CANX: variants seen among roughly 807,000 people sequenced by gnomAD.
CANX encodes epididymis secretory sperm binding protein.
A neutral mutation model predicts 75.7 loss-of-function variants in CANX; 14 were observed. The observed-to-expected ratio is 0.19, with a 90% CI of 0.12 to 0.29. The LOEUF is 0.29. CANX is among the 10% of genes least tolerant of loss of function. The probability of loss-of-function intolerance (pLI) is 1.00; values close to 1 mark genes in which losing one functional copy is unlikely to be tolerated. For missense variants in CANX, 567 were observed against 713.2 expected (o/e 0.79, Z 2.34); for synonymous variants, 227 against 236.9 (o/e 0.96, Z 0.38).
At chr5:179,679,204 G>T (rs1775986841) in intron 1 of CANX, 4 of 1,534,570 alleles carry the variant, frequency 2.6e-6, no homozygotes, top group East Asian at 4.9e-5. Context: ...GGCGACTCGT[G>T]CTGCGCTCTT....
intron 6 of CANX, 192 bp from the exon 7 acceptor site, chr5:179,709,681 T>G: frequency 6.5e-6 from 3 of 462,908 alleles, no homozygotes; most frequent in Admixed American, 4.0e-5. Context: ...TTTAGACACT[T>G]AAACGTTATT....
At chr5:179,700,093 C>T (rs527649486) in intron 1 of CANX, 12 of 152,314 alleles carry the variant, frequency 7.9e-5, no homozygotes, top group Middle Eastern at 6.8e-3. Flanking sequence ...GACCAATACA[C>T]TGCCATCCTA....
Position 179,684,390 on chromosome 5 carries a change from C to CT in CANX, c.-4+5630dup, listed in dbSNP as rs559968980. Among the ~76,000 whole-genome samples the CT allele has an allele frequency of 6.5e-3, 881 of 134,896 alleles. 4 individuals are homozygous for CT. Among genetic ancestry groups the CT allele is most frequent in the Admixed American group, 9.1e-3 (120 of 13,198 alleles). The allele number at this position is 134,896 out of a possible 152,430, so 88.5% of individuals were successfully genotyped here. A position where few individuals can be genotyped will look rare whatever the true frequency, so the allele number is the denominator to read the frequency against. ...GAGCCACAGGGCCCAGCTAGTAAGC[C>CT]TTTTTTTTTTTTTTTTTCAGCTCAC... On this transcript the variant is annotated intron_variant, in intron 1 of 14. Coordinates refer to the CANX transcript ENST00000681674.
At chr5:179,705,874 T>C (rs926455149) in intron 2 of CANX, 22 bp downstream of exon 2, 5 of 1,600,432 alleles carry the variant, frequency 3.1e-6, no homozygotes, top group African/African-American at 1.3e-5. Flanking sequence ...TCTTTGAATC[T>C]ATTCCTTTTA....
rs182568719 is a variant in CANX at position 179,701,253 on chromosome 5, A to G, written c.-4+2151A>G. 2.0e-4 allele frequency among the ~76,000 whole-genome samples: 31 copies of G among 152,118 alleles called. No individual in the cohort carries two copies. The East Asian group carries it at 5.2e-3, about 26-fold the overall frequency. ...CTGGGTTCCTCACCTTTAGGGGGCA[A>G]TTGGGAGGGGCAGATAAAATGGTGA... On this transcript the variant is annotated intron_variant, in intron 1 of 14. Coordinates refer to ENST00000247461, the MANE Select transcript of CANX (RefSeq NM_001746.4).
At chr5:179,722,734 A>G in intron 10 of CANX, 70 bp from the exon 11 acceptor site, 4 of 1,033,958 alleles carry the variant, frequency 3.9e-6, no homozygotes, top group Non-Finnish European at 5.8e-6. Flanking sequence ...AATTTCTCTT[A>G]CGGTAGATTC....
At chr5:179,723,924 CT>C in intron 12 of CANX, 145 bp downstream of exon 12, 2 of 673,792 alleles carry the variant, frequency 3.0e-6, no homozygotes, top group Non-Finnish European at 4.8e-6. Context: ...AGAAACCTTA[CT>C]TACTGTTCCT....
intron 8 of CANX, among the ~76,000 whole-genome samples, chr5:179,718,252 T>TTGCAACCTC (rs1316998752): frequency 6.6e-6 from 1 of 150,742 alleles, no homozygotes; most frequent in African/African-American, 2.4e-5. Context: ...TCTCGTCTCA[T>TTGCAACCTC]TGCAACCTCT....
chr5:179,688,089 C>A (rs551507664), intron 1 of CANX, among the ~76,000 whole-genome samples: 1 of 147,738 alleles, frequency 6.8e-6, no homozygotes, highest in Admixed American at 6.8e-5. Flanking sequence ...GATGGAGTGT[C>A]GCTCTGTTGC....
chr5:179,716,399 T>C (rs1581879917), intron 8 of CANX, 105 bp downstream of exon 8: 1 of 765,126 alleles, frequency 1.3e-6, no homozygotes, highest in East Asian at 2.7e-5. Context: ...ATTTCAGTAA[T>C]CCATGATGCA....
chr5:179,683,141 A>G (rs549045461), intron 1 of CANX, among the ~76,000 whole-genome samples: 1 of 138,660 alleles, frequency 7.2e-6, no homozygotes, highest in South Asian at 2.6e-4. Context: ...TTATTTATTT[A>G]TTTTTGAGAC....
intron 2 of CANX, 129 bp from the exon 3 acceptor site, chr5:179,706,129 T>C: frequency 1.6e-6 from 1 of 621,308 alleles, no homozygotes; most frequent in South Asian, 2.1e-5. Flanking sequence ...GCCAATTATA[T>C]GGGTTGAATT....
intron 13 of CANX, among the ~76,000 whole-genome samples, chr5:179,725,211 A>C (rs1445339219): frequency 6.7e-6 from 1 of 149,414 alleles, no homozygotes; most frequent in Non-Finnish European, 1.5e-5. Context: ...TTGTTTGTTT[A>C]TTGATTTATT....
chr5:179,681,243 A>T (rs1201371947), intron 1 of CANX, among the ~76,000 whole-genome samples: 1 of 152,142 alleles, frequency 6.6e-6, no homozygotes, highest in Non-Finnish European at 1.5e-5. Context: ...TCCCTCACTG[A>T]GCTGTCATTC....
At chr5:179,698,736 A>G (rs1581831003), upstream of CANX, 2 of 686,600 alleles carry the variant, frequency 2.9e-6, no homozygotes, top group Non-Finnish European at 4.4e-6. Flanking sequence ...CCCGCCCCTC[A>G]CCTCCCGCCC....
intron 1 of CANX, chr5:179,699,834 G>C (rs1776612882): frequency 6.6e-6 from 1 of 152,270 alleles, no homozygotes; most frequent in South Asian, 2.1e-4. Flanking sequence ...TTATAGTTCA[G>C]GGATAGACCG....
chr5:179,712,907 T>A (rs1453785737), intron 7 of CANX, among the ~76,000 whole-genome samples: 1 of 138,838 alleles, frequency 7.2e-6, no homozygotes, highest in African/African-American at 2.6e-5. Context: ...TTTTTTTTAT[T>A]ATTATTATTT....
intron 5 of CANX, 46 bp downstream of exon 5, chr5:179,708,426 C>G (rs1242382905): frequency 1.3e-6 from 2 of 1,546,622 alleles, no homozygotes; most frequent in Non-Finnish European, 1.8e-6. Flanking sequence ...AAAGGGTAAT[C>G]TTAGAAGACA....
intron 7 of CANX, among the ~76,000 whole-genome samples, chr5:179,714,758 T>C (rs575650242): frequency 2.9e-4 from 44 of 151,954 alleles, no homozygotes; most frequent in Non-Finnish European, 4.9e-4. Flanking sequence ...ACCTCGTGAT[T>C]CGCCCGTCTC....
Sources: gnomAD v4.1 joint callset for allele counts (sites outside exome capture counted in the v4.1 genomes callset) on GRCh38, gnomAD v4.1.1 for gene constraint, MANE v1.5 for transcripts, NCBI Gene and HGNC (gene_info 2026-07-23, HGNC 2026-07-21) for gene names.